Variants in DPY19L1 observed in about 807,000 individuals in gnomAD.
DPY19L1 encodes the protein protein C-mannosyl-transferase DPY19L1.
Under a neutral mutation model 96.9 loss-of-function variants are expected in DPY19L1, and 35 were observed. The observed-to-expected ratio is 0.36, with a 90% CI of 0.28 to 0.48. The LOEUF is 0.48. DPY19L1 is among the 20% of genes least tolerant of loss of function. DPY19L1 has a pLI of 0.99. For synonymous variants in DPY19L1, 205 were observed against 252.6 expected, an observed-to-expected ratio of 0.81 and a Z score of 1.79; for missense variants, 521 against 777.9, an observed-to-expected ratio of 0.67 and a Z score of 3.93.
intron 14 of DPY19L1, among the ~76,000 whole-genome samples, chr7:34,948,016 A>G (rs1292410165): frequency 1.3e-5 from 2 of 152,144 alleles, no homozygotes; most frequent in African/African-American, 4.8e-5. Context: ...AAGGTATGTA[A>G]AGCTCCTTAA....
chr7:34,949,743 T>A (rs1356591500), intron 14 of DPY19L1, 54 bp downstream of exon 14: 2 of 1,153,332 alleles, frequency 1.7e-6, no homozygotes, highest in South Asian at 2.8e-5. Flanking sequence ...GCACTCCTTA[T>A]GAAAAATGTA....
intron 7 of DPY19L1, among the ~76,000 whole-genome samples, chr7:34,982,779 C>T (rs1163506171): frequency 6.6e-6 from 1 of 152,172 alleles, no homozygotes; most frequent in Non-Finnish European, 1.5e-5. Context: ...CAACCTGGGA[C>T]ACACACAGAC....
At chr7:35,029,875 G>A (rs974081471) in intron 1 of DPY19L1, among the ~76,000 whole-genome samples, 3 of 152,012 alleles carry the variant, frequency 2.0e-5, no homozygotes, top group South Asian at 2.1e-4. Context: ...AATTTTACAC[G>A]GATGTAATTA....
At chr7:34,995,917 G>C (rs1474498653) in intron 6 of DPY19L1, among the ~76,000 whole-genome samples, 2 of 73,430 alleles carry the variant, frequency 2.7e-5, no homozygotes, top group African/African-American at 4.6e-5. Flanking sequence ...TGGCGGCGGT[G>C]GGGGGGGCGG....
intron 6 of DPY19L1, among the ~76,000 whole-genome samples, chr7:35,008,960 A>T (rs1785635272): frequency 6.6e-6 from 1 of 152,194 alleles, no homozygotes; most frequent in African/African-American, 2.4e-5. Flanking sequence ...TTTTGGTTTA[A>T]CTTATTTCCC....
At chr7:34,986,724 T>C (rs1228290941) in intron 7 of DPY19L1, among the ~76,000 whole-genome samples, 2 of 152,034 alleles carry the variant, frequency 1.3e-5, no homozygotes, top group South Asian at 2.1e-4. Flanking sequence ...GTCAGAAATA[T>C]GTTGTAGGTC....
intron 6 of DPY19L1, among the ~76,000 whole-genome samples, chr7:34,993,977 A>G (rs1785229266): frequency 6.6e-6 from 1 of 152,058 alleles, no homozygotes; most frequent in Admixed American, 6.6e-5. Flanking sequence ...GAGAGTCAAG[A>G]TTCGTTTGAA....
At chr7:35,021,390 C>T (rs766653761) in intron 1 of DPY19L1, among the ~76,000 whole-genome samples, 3 of 152,258 alleles carry the variant, frequency 2.0e-5, no homozygotes, top group South Asian at 4.1e-4. Flanking sequence ...TTAGACAATA[C>T]ACAAGGACAA....
intron 20 of DPY19L1, 54 bp downstream of exon 20, chr7:34,939,222 C>G: frequency 1.3e-6 from 2 of 1,499,312 alleles, no homozygotes; most frequent in South Asian, 2.4e-5. Context: ...GTCCTCCACT[C>G]ACTGTCTGTT....
At chr7:34,953,031 G>A (rs1784301523) in intron 13 of DPY19L1, among the ~76,000 whole-genome samples, 1 of 152,116 alleles carries the variant, frequency 6.6e-6, no homozygotes, top group African/African-American at 2.4e-5. Flanking sequence ...GCAGGACCGA[G>A]TGTGGCTACT....
chr7:34,981,326 T>C (rs328903), intron 7 of DPY19L1, among the ~76,000 whole-genome samples: 71,194 of 151,920 alleles, frequency 0.47, 17,161 homozygotes, highest in Admixed American at 0.61. Flanking sequence ...TAGAACACCA[T>C]TAAATGTAGA....
chr7:34,960,177 T>C (rs909573197), intron 10 of DPY19L1, among the ~76,000 whole-genome samples: 1 of 151,606 alleles, frequency 6.6e-6, no homozygotes, highest in Non-Finnish European at 1.5e-5. Flanking sequence ...TCAATTTCCA[T>C]GTGAATTTCA....
chr7:34,960,164 A>AT (rs2128787702), intron 10 of DPY19L1, among the ~76,000 whole-genome samples: 1 of 151,660 alleles, frequency 6.6e-6, no homozygotes, highest in Non-Finnish European at 1.5e-5. Context: ...TGATCCATAT[A>AT]TATCAATTTC....
chr7:35,033,816 T>TAGAGAAAAAA (rs2128684598), intron 1 of DPY19L1, among the ~76,000 whole-genome samples: 1 of 152,218 alleles, frequency 6.6e-6, no homozygotes, highest in East Asian at 1.9e-4. Flanking sequence ...ATAAAAGCTG[T>TAGAGAAAAAA]GGTCCCAAAT....
chr7:34,966,371 C>T (rs1405695260), intron 10 of DPY19L1, among the ~76,000 whole-genome samples: 3 of 152,032 alleles, frequency 2.0e-5, no homozygotes, highest in African/African-American at 7.2e-5. Context: ...GATCTTAGCT[C>T]ACTGCAGTCT....
intron 10 of DPY19L1, among the ~76,000 whole-genome samples, chr7:34,962,535 A>C (rs1254788466): frequency 6.6e-6 from 1 of 152,164 alleles, no homozygotes; most frequent in Non-Finnish European, 1.5e-5. Context: ...GTCATTATAC[A>C]TTTGTCAAAA....
chr7:35,026,491 GC>G (rs139986524), intron 1 of DPY19L1, among the ~76,000 whole-genome samples: 30,447 of 151,996 alleles, frequency 0.2, 3,397 homozygotes, highest in Admixed American at 0.35. Flanking sequence ...GCATTTCTGG[GC>G]CCCCACTCTC....
intron 10 of DPY19L1, among the ~76,000 whole-genome samples, chr7:34,960,781 T>G (rs1455556171): frequency 2.0e-5 from 3 of 152,192 alleles, no homozygotes; most frequent in Non-Finnish European, 4.4e-5. Flanking sequence ...ATCCGTCTAT[T>G]TTTACTTGAT....
intron 1 of DPY19L1, among the ~76,000 whole-genome samples, chr7:35,032,823 C>A (rs1210334747): frequency 1.3e-5 from 2 of 152,060 alleles, no homozygotes; most frequent in African/African-American, 2.4e-5. Flanking sequence ...TCCTTTCCCT[C>A]AATCCAAGCC....
Sources: allele counts gnomAD v4.1 joint callset (sites outside exome capture counted in the v4.1 genomes callset), GRCh38; gene constraint gnomAD v4.1.1; transcripts MANE v1.5; gene names NCBI Gene and HGNC (gene_info 2026-07-23, HGNC 2026-07-21).